TMCC1: variants seen among roughly 807,000 people sequenced by gnomAD.
TMCC1 encodes transmembrane and coiled-coil domain family 1.
In TMCC1, 15 loss-of-function variants were observed where a neutral mutation model predicts 52.4. The ratio of observed to expected loss-of-function variants is 0.29; its 90% CI spans 0.19 to 0.44. The LOEUF (loss-of-function observed/expected upper bound fraction) is 0.44, where lower values mean the gene tolerates loss of function less well. TMCC1 is among the 20% of genes least tolerant of loss of function. TMCC1 has a pLI of 1.00. For synonymous variants in TMCC1, 279 were observed against 301.9 expected (o/e 0.92, Z 0.79); for missense variants, 503 against 806.0 (o/e 0.62, Z 4.55).
chr3:129,791,733 CT>C (rs369561354), intron 4 of TMCC1, among the ~76,000 whole-genome samples: 4 of 152,284 alleles, frequency 2.6e-5, no homozygotes, highest in African/African-American at 9.6e-5. Context: ...GAGAACTTTT[CT>C]GTGAATCACA....
chr3:129,796,557 T>C lies in TMCC1; in HGVS notation c.576+31246A>G, dbSNP rs559976899. On this transcript the variant is annotated intron_variant, in intron 4 of 6. Transcript: ENST00000393238. ...CAATATGGCCAGGTTCAGTGGCTCA[T>C]ACCTGTAATCCCAATGCTTTGGGAG... 2.0e-5 allele frequency among the ~76,000 whole-genome samples: 3 copies of C among 152,268 alleles called. No homozygotes were observed. In the South Asian group the frequency reaches 6.2e-4, roughly 32 times the overall value.
chr3:129,826,448 C>T (rs1400064243), intron 4 of TMCC1, among the ~76,000 whole-genome samples: 1 of 151,900 alleles, frequency 6.6e-6, no homozygotes, highest in Non-Finnish European at 1.5e-5. Context: ...GTTAAGGCTG[C>T]AGTGAGCCAC....
chr3:129,651,732 CCTGCTGCTG>C lies in TMCC1; in HGVS notation c.1702_1710del (p.Gln568_Gln570del), dbSNP rs781456164. Reference sequence around the variant, plus strand: ...TTCTCCAGCCCTTCTAGCTGCACCACCTGCTGCTGCTGCTGCTGCAGCTCCATCTTGGAG... The same window carrying C: ...TTCTCCAGCCCTTCTAGCTGCACCACCTGCTGCTGCAGCTCCATCTTGGAG... On this transcript the variant is annotated inframe_deletion, in exon 7 of 7. Coordinates refer to ENST00000393238, the MANE Select transcript of TMCC1 (RefSeq NM_001017395.5). The surrounding 1 kb of genome is among the most constrained non-coding windows in gnomAD (Gnocchi z 5.1). 1.2e-6 allele frequency: 2 copies of C among 1,613,434 alleles called. No homozygotes were observed. The highest frequency in any genetic ancestry group is 2.7e-5 in the African/African-American group (2 of 74,878).
At chr3:129,806,560 C>A (rs1361347317) in intron 4 of TMCC1, among the ~76,000 whole-genome samples, 3 of 152,298 alleles carry the variant, frequency 2.0e-5, no homozygotes, top group South Asian at 2.1e-4. Context: ...GTTTCCCATA[C>A]CATTTTAATG....
At chr3:129,816,572 G>A (rs987616132) in intron 4 of TMCC1, among the ~76,000 whole-genome samples, 7 of 152,156 alleles carry the variant, frequency 4.6e-5, no homozygotes, top group Non-Finnish European at 4.4e-5. Flanking sequence ...GGTTACCAGA[G>A]GCTTGGGAAA....
intron 4 of TMCC1, among the ~76,000 whole-genome samples, chr3:129,684,898 T>G (rs1480449728): frequency 6.6e-6 from 1 of 152,204 alleles, no homozygotes; most frequent in Non-Finnish European, 1.5e-5. Context: ...ATTTAATTCA[T>G]TTTGCAATTA....
chr3:129,741,880 A>C (rs2051488502), intron 4 of TMCC1, among the ~76,000 whole-genome samples: 5 of 152,058 alleles, frequency 3.3e-5, no homozygotes, highest in Admixed American at 3.3e-4. Flanking sequence ...ACAGGCAAAC[A>C]CCTCTCTGAT....
At chr3:129,838,552 A>C (rs2059271190) in intron 2 of TMCC1, among the ~76,000 whole-genome samples, 1 of 152,112 alleles carries the variant, frequency 6.6e-6, no homozygotes, top group Admixed American at 6.5e-5. Flanking sequence ...CAGGAGTTTG[A>C]GACCAGCCTG....
chr3:129,813,299 T>C (rs572594582), intron 4 of TMCC1, among the ~76,000 whole-genome samples: 65 of 152,272 alleles, frequency 4.3e-4, no homozygotes, highest in African/African-American at 1.5e-3. Flanking sequence ...AACCCAGCAA[T>C]CCTATTATGT....
chr3:129,806,275 G>A (rs1311771315), intron 4 of TMCC1, among the ~76,000 whole-genome samples: 2 of 152,164 alleles, frequency 1.3e-5, no homozygotes, highest in African/African-American at 4.8e-5. Context: ...AACTGGAGAG[G>A]AGACAGCAAT....
chr3:129,809,021 G>A (rs949460594), intron 4 of TMCC1, among the ~76,000 whole-genome samples: 2 of 149,706 alleles, frequency 1.3e-5, no homozygotes, highest in African/African-American at 4.9e-5. Context: ...CCCAGATCAC[G>A]AGGTCAGGAG....
chr3:129,733,139 T>C (rs1277357538), intron 4 of TMCC1, among the ~76,000 whole-genome samples: 4 of 152,186 alleles, frequency 2.6e-5, no homozygotes, highest in East Asian at 3.8e-4. Flanking sequence ...CTGAGTTCAG[T>C]AGAAAAGACA....
intron 4 of TMCC1, among the ~76,000 whole-genome samples, chr3:129,826,462 C>T (rs563069889): frequency 6.6e-6 from 1 of 152,052 alleles, no homozygotes; most frequent in African/African-American, 2.4e-5. Flanking sequence ...GAGCCACGAT[C>T]ACACCACTGC....
intron 4 of TMCC1, among the ~76,000 whole-genome samples, chr3:129,778,681 G>GGC (rs1553866398): frequency 6.6e-6 from 1 of 150,762 alleles, no homozygotes; most frequent in Non-Finnish European, 1.5e-5. Context: ...TGGTGGGGGG[G>GGC]GGGCAGTCTC....
chr3:129,873,397 G>A (rs1335666192), intron 2 of TMCC1, among the ~76,000 whole-genome samples: 2 of 149,402 alleles, frequency 1.3e-5, no homozygotes, highest in Non-Finnish European at 3.0e-5. Flanking sequence ...ACGGACACAA[G>A]TTGGCCAGGT....
At chr3:129,845,536 A>T (rs1478432779) in intron 2 of TMCC1, among the ~76,000 whole-genome samples, 1 of 152,122 alleles carries the variant, frequency 6.6e-6, no homozygotes, top group Admixed American at 6.5e-5. Flanking sequence ...AAAGATACAT[A>T]AATAAATACT....
intron 4 of TMCC1, among the ~76,000 whole-genome samples, chr3:129,729,240 A>G (rs2050355824): frequency 6.6e-6 from 1 of 152,126 alleles, no homozygotes; most frequent in Non-Finnish European, 1.5e-5. Flanking sequence ...TGCAACTGTC[A>G]GTTTTTTATT....
chr3:129,651,336 G>C lies in TMCC1; in HGVS notation c.*145C>G, dbSNP rs2086308148. 1 of 987,416 alleles carries C rather than the reference G, an allele frequency of 1.0e-6. No homozygotes were observed. The highest frequency in any genetic ancestry group is 1.5e-6 in the Non-Finnish European group (1 of 685,598). 61.2% of individuals were successfully genotyped at this position (987,416 alleles called of 1,614,324 possible). ...AAATACTATTGCAATTGCGTCTCTTGAAGAAAAAAACATTATTCTAAATGT... is the reference window on the plus strand; with the variant it reads ...AAATACTATTGCAATTGCGTCTCTTCAAGAAAAAAACATTATTCTAAATGT... On this transcript the variant is annotated 3_prime_UTR_variant, in exon 7 of 7. Transcript: ENST00000393238. The surrounding 1 kb of genome is among the most constrained non-coding windows in gnomAD (Gnocchi z 5.1).
chr3:129,763,204 T>TA (rs1177489452), intron 4 of TMCC1, among the ~76,000 whole-genome samples: 1 of 106,966 alleles, frequency 9.3e-6, no homozygotes, highest in African/African-American at 4.7e-5. Flanking sequence ...TCTCAAAAAA[T>TA]AAAAAATAAA....
Sources: gnomAD v4.1 joint callset for allele counts (sites outside exome capture counted in the v4.1 genomes callset) on GRCh38, gnomAD v4.1.1 for gene constraint, Gnocchi (gnomAD v3.1) non-coding constraint, MANE v1.5 for transcripts, NCBI Gene and HGNC (gene_info 2026-07-23, HGNC 2026-07-21) for gene names.